Variants in DNAAF9 observed in about 807,000 individuals in gnomAD.
DNAAF9 encodes the protein shulin.
DNAAF9 carries 90 observed loss-of-function variants against 167.0 expected under a neutral mutation model. That is an observed-to-expected ratio of 0.54 (90% CI 0.45 to 0.64). The LOEUF is 0.64. Among genes scored for constraint, DNAAF9 ranks in the 30% least tolerant of loss-of-function variants. The pLI is 0.00. For missense variants in DNAAF9, 1,315 were observed against 1,442.2 expected (o/e 0.91, Z 1.43); for synonymous variants, 491 against 508.8 (o/e 0.96, Z 0.47).
rs557627820 is a variant in DNAAF9, at chr20:3,318,381, T to C, written c.1376A>G (p.Asp459Gly). ...ATTGCCTCCCAGTAAGTCAGGAATGTCATAGACGGCCATACAAGCCTGCAT... is the reference window on the plus strand; with the variant it reads ...ATTGCCTCCCAGTAAGTCAGGAATGCCATAGACGGCCATACAAGCCTGCAT... ...FVKTACMAVY[D>G]IPDLLGGNGC... Residue 459 changes from aspartate (D) to glycine (G), a missense_variant, in exon 17 of 37, where the codon GAC becomes GGC. By Grantham distance (94) the Asp-to-Gly change is moderately conservative. This residue lies in a region of DNAAF9 where 981 missense variants were observed against 1,012.5 expected (regional missense o/e 0.97). Coordinates refer to ENST00000252032, the MANE Select transcript of DNAAF9 (RefSeq NM_001009984.3). 11 of 1,595,206 alleles carry C rather than the reference T, an allele frequency of 6.9e-6. No individual in the cohort carries two copies. The East Asian group carries it at 1.8e-4, about 26-fold the overall frequency.
intron 21 of DNAAF9, among the ~76,000 whole-genome samples, chr20:3,299,674 A>C (rs1396134762): frequency 6.6e-6 from 1 of 152,208 alleles, no homozygotes; most frequent in Non-Finnish European, 1.5e-5. Context: ...CATCCTTGTC[A>C]AAAATGATTT....
In DNAAF9 at chr20:3,407,612, G is replaced by A; in HGVS notation, c.-55C>T. On this transcript the variant is annotated 5_prime_UTR_variant, in exon 1 of 37. Coordinates refer to ENST00000252032, the MANE Select transcript of DNAAF9 (RefSeq NM_001009984.3). ...CGGTGCAGCTGCGAGGGTCTCAGTT[G>A]CCCGCAGGGCGGCTCCACGCTAGCT... 8 of 1,202,060 alleles carry A rather than the reference G, an allele frequency of 6.7e-6. No homozygotes were observed. Among genetic ancestry groups the A allele is most frequent in the African/African-American group, 1.6e-5 (1 of 63,144 alleles). 74.5% of individuals were successfully genotyped at this position (1,202,060 alleles called of 1,614,324 possible).
chr20:3,323,783 G>C (rs760710899), intron 14 of DNAAF9, among the ~76,000 whole-genome samples: 1 of 152,202 alleles, frequency 6.6e-6, no homozygotes, highest in African/African-American at 2.4e-5. Flanking sequence ...CCAAGTAAAG[G>C]AGAAGTAGAA....
intron 36 of DNAAF9, among the ~76,000 whole-genome samples, chr20:3,252,918 C>T (rs1300549380): frequency 3.9e-5 from 6 of 152,254 alleles, no homozygotes; most frequent in Admixed American, 6.5e-5. Flanking sequence ...CCTTCAGCTT[C>T]AGCCCTATCC....
intron 20 of DNAAF9, among the ~76,000 whole-genome samples, chr20:3,310,235 A>G (rs778310289): frequency 6.6e-6 from 1 of 151,254 alleles, no homozygotes; most frequent in African/African-American, 2.4e-5. Context: ...GATCGAGAGA[A>G]AGAGAGAGAA....
At chr20:3,259,740 CT>C (rs2068347291) in intron 32 of DNAAF9, among the ~76,000 whole-genome samples, 181 bp downstream of exon 32, 1 of 152,244 alleles carries the variant, frequency 6.6e-6, no homozygotes, top group Admixed American at 6.5e-5. Flanking sequence ...AGGGAAAACC[CT>C]TTCACTGGAG....
intron 33 of DNAAF9, among the ~76,000 whole-genome samples, chr20:3,258,085 C>T (rs193252785): frequency 1.6e-4 from 15 of 92,904 alleles, no homozygotes; most frequent in Non-Finnish European, 2.3e-4. Context: ...AGGCTGGTCT[C>T]GAACTCCTGA....
chr20:3,359,602 G>C lies in DNAAF9; in HGVS notation c.613-9C>G. On this transcript the variant is annotated splice_polypyrimidine_tract_variant and intron_variant, in intron 6 of 36. Coordinates refer to ENST00000252032, the MANE Select transcript of DNAAF9 (RefSeq NM_001009984.3). ...AAACTCACATCCTGCAACTGCAACAGAGGGCAAAAACATTGAAATAATTAA... is the reference window on the plus strand; with the variant it reads ...AAACTCACATCCTGCAACTGCAACACAGGGCAAAAACATTGAAATAATTAA... 6.9e-6 allele frequency: 11 copies of C among 1,595,748 alleles called. No individual in the cohort carries two copies. Among genetic ancestry groups the C allele is most frequent in the Non-Finnish European group, 9.4e-6 (11 of 1,166,466 alleles).
chr20:3,308,746 G>A (rs114947093), intron 20 of DNAAF9, among the ~76,000 whole-genome samples: 1 of 151,876 alleles, frequency 6.6e-6, no homozygotes, highest in Non-Finnish European at 1.5e-5. Context: ...GGAGACTGAG[G>A]TGGGAGCTTC....
chr20:3,305,518 G>T (rs1568593068), intron 20 of DNAAF9, among the ~76,000 whole-genome samples: 1 of 152,246 alleles, frequency 6.6e-6, no homozygotes, highest in African/African-American at 2.4e-5. Context: ...GATTCCTTAA[G>T]TTGTAGCTCC....
chr20:3,294,490 C>G (rs777070367), intron 24 of DNAAF9, 38 bp downstream of exon 24: 3 of 1,398,332 alleles, frequency 2.1e-6, no homozygotes, highest in Middle Eastern at 3.7e-4. Context: ...TTTCAAAAGC[C>G]AGAATATTAA....
rs1373770515 is a variant in DNAAF9, at chr20:3,398,037, C to A, written c.83+9438G>T. 2.6e-5 allele frequency among the ~76,000 whole-genome samples: 4 copies of A among 152,162 alleles called. No homozygotes were observed. In the East Asian group the frequency reaches 7.7e-4, roughly 29 times the overall value. On this transcript the variant is annotated intron_variant, in intron 1 of 36. Coordinates refer to ENST00000252032, the MANE Select transcript of DNAAF9 (RefSeq NM_001009984.3). ...TAACACATCCTGTGACCCTCCCAAG[C>A]CAGTGTCCCATCATGATTTATCCAG...
At chr20:3,399,142 C>T (rs548444950) in intron 1 of DNAAF9, among the ~76,000 whole-genome samples, 1 of 152,328 alleles carries the variant, frequency 6.6e-6, no homozygotes, top group African/African-American at 2.4e-5. Flanking sequence ...GCAATGTAAA[C>T]TTCATTCCAC....
intron 5 of DNAAF9, among the ~76,000 whole-genome samples, chr20:3,374,394 C>T (rs1164326059): frequency 1.3e-5 from 2 of 152,218 alleles, no homozygotes; most frequent in African/African-American, 4.8e-5. Flanking sequence ...TATATTGTAA[C>T]ATTCCAGTTT....
At chr20:3,369,933 C>T (rs189738911) in intron 6 of DNAAF9, among the ~76,000 whole-genome samples, 5 of 152,088 alleles carry the variant, frequency 3.3e-5, no homozygotes, top group Admixed American at 2.0e-4. Flanking sequence ...TTCTTCTATA[C>T]CTTAAATTAT....
At chr20:3,373,271 ACT>A (rs996476077) in intron 6 of DNAAF9, among the ~76,000 whole-genome samples, 5 of 151,762 alleles carry the variant, frequency 3.3e-5, no homozygotes, top group Admixed American at 6.6e-5. Flanking sequence ...GGACCCACTT[ACT>A]CTCTCCCTAA....
intron 16 of DNAAF9, among the ~76,000 whole-genome samples, chr20:3,318,640 C>T (rs1468944405): frequency 6.6e-6 from 1 of 152,078 alleles, no homozygotes; most frequent in Non-Finnish European, 1.5e-5. Flanking sequence ...AGGAAAGTAT[C>T]CTTATGTTTC....
intron 8 of DNAAF9, among the ~76,000 whole-genome samples, chr20:3,347,544 A>C (rs1000985260): frequency 4.6e-5 from 7 of 152,240 alleles, no homozygotes; most frequent in African/African-American, 1.4e-4. Context: ...TGGCAAATAT[A>C]TAAGACTTTT....
chr20:3,385,032 A>G (rs953538156), intron 1 of DNAAF9, among the ~76,000 whole-genome samples: 18 of 152,122 alleles, frequency 1.2e-4, no homozygotes, highest in Admixed American at 2.0e-4. Flanking sequence ...AACAGAAAAA[A>G]AGCCACTCAG....
Sources: allele counts gnomAD v4.1 joint callset (sites outside exome capture counted in the v4.1 genomes callset), GRCh38; gene constraint gnomAD v4.1.1; regional missense constraint gnomAD v4.1.1; transcripts MANE v1.5; gene names NCBI Gene and HGNC (gene_info 2026-07-23, HGNC 2026-07-21).